Variants in RASSF10 observed in about 807,000 individuals in gnomAD.
RASSF10 encodes the protein ras association domain-containing protein 10.
A neutral mutation model predicts 41.5 loss-of-function variants in RASSF10; 22 were observed. The ratio of observed to expected loss-of-function variants is 0.53; its 90% CI spans 0.38 to 0.76. RASSF10 has a LOEUF of 0.76. Among genes scored for constraint, RASSF10 ranks in the 30% least tolerant of loss-of-function variants. The pLI, the probability that RASSF10 is intolerant of heterozygous loss-of-function variation, is 0.00. For synonymous variants in RASSF10, 364 were observed against 319.0 expected, an observed-to-expected ratio of 1.14 and a Z score of -1.50; for missense variants, 776 against 711.8, an observed-to-expected ratio of 1.09 and a Z score of -1.03.
rs2134213158 is a variant in RASSF10 at position 13,010,655 on chromosome 11, G to C, written c.1079G>C (p.Arg360Pro). The change falls in exon 1 of 1, where the codon CGA becomes CCA. Residue 360 changes from arginine to proline, a missense_variant. Physicochemically the swap from Arg to Pro is moderately radical, Grantham distance 103. Transcript: ENST00000529419. The surrounding 1 kb of genome is among the most constrained non-coding windows in gnomAD (Gnocchi z 4.8). ...IQEELNQRWMRRRQEELAARE... is the reference protein window; with the variant it reads ...IQEELNQRWMPRRQEELAARE... The stretch of plus-strand genomic sequence containing the variant: ...GAGGAACTCAACCAGAGGTGGATGC[G>C]ACGGCGCCAGGAGGAGCTGGCGGCG... 6.3e-7 allele frequency: 1 copy of C among 1,591,868 alleles called. No homozygotes were observed. The highest frequency in any genetic ancestry group is 2.3e-5 in the East Asian group (1 of 43,856).
Position 13,009,854 on chromosome 11 carries a change from T to A in RASSF10, c.278T>A (p.Ile93Asn). The change falls in exon 1 of 1, where the codon ATC becomes AAC. Residue 93 changes from isoleucine (I) to asparagine (N), a missense_variant. Ile to Asn is a moderately radical substitution (Grantham distance 149). Transcript: ENST00000529419. ...MLCGPPQCYCIVEKWRGFERI... is the reference protein window; with the variant it reads ...MLCGPPQCYCNVEKWRGFERI... ...TGCGGGCCCCCGCAGTGCTATTGCA[T>A]CGTGGAGAAGTGGCGCGGCTTTGAG... The A allele has an allele frequency of 6.2e-7, 1 of 1,606,660 alleles. No homozygotes were observed. The highest frequency in any genetic ancestry group is 8.5e-7 in the Non-Finnish European group (1 of 1,177,360).
rs1949568906 is a variant in RASSF10 at position 13,010,470 on chromosome 11, G to C, written c.894G>C (p.Ala298=). 47 of 1,523,998 alleles carry C rather than the reference G, an allele frequency of 3.1e-5. No homozygotes were observed. Among genetic ancestry groups the C allele is most frequent in the Non-Finnish European group, 4.1e-5 (47 of 1,134,492 alleles). 94.4% of individuals were successfully genotyped at this position (1,523,998 alleles called of 1,614,324 possible). A position where few individuals can be genotyped will look rare whatever the true frequency, so the allele number is the denominator to read the frequency against. ...CGGGAGAGGAGCCAGAAGAGGTGGC[G>C]GCGGAGGCGGAGGAGGCGGCGGCGG... ...SRPGEEPEEV[A]AEAEEAAAAP... is the part of the protein sequence containing the mutation. Residue 298 remains alanine, a synonymous_variant, in exon 1 of 1, where the codon GCG becomes GCC. Coordinates refer to ENST00000529419, the MANE Select transcript of RASSF10 (RefSeq NM_001080521.3). The surrounding 1 kb of genome is among the most constrained non-coding windows in gnomAD (Gnocchi z 4.8).
Position 13,009,369 on chromosome 11 carries a change from C to T in RASSF10, c.-208C>T. 1 of 1,207,020 alleles carries T rather than the reference C, an allele frequency of 8.3e-7. No individual in the cohort carries two copies. The highest frequency in any genetic ancestry group is 1.2e-6 in the Non-Finnish European group (1 of 852,426). The allele number at this position is 1,207,020 out of a possible 1,614,324, so 74.8% of individuals were successfully genotyped here. On this transcript the variant is annotated 5_prime_UTR_variant, in exon 1 of 1. Transcript: ENST00000529419. ...GGCGCGTTGCCCCGGGAGCGCCCGT[C>T]GTCCGGGCAGAGCGCAGCCGCAACC...
chr11:13,010,447 G>A lies in RASSF10; in HGVS notation c.871G>A (p.Gly291Arg). Reference sequence around the variant, plus strand: ...CATCGAGCTCGACGGGTCCAGACCGGGAGAGGAGCCAGAAGAGGTGGCGGC... The same window carrying A: ...CATCGAGCTCGACGGGTCCAGACCGAGAGAGGAGCCAGAAGAGGTGGCGGC... Reference protein sequence around the residue: ...AGIELDGSRPGEEPEEVAAEA... With the variant: ...AGIELDGSRPREEPEEVAAEA... The change falls in exon 1 of 1, where the codon GGA becomes AGA. Residue 291 changes from glycine to arginine, a missense_variant. Transcript: ENST00000529419. This position sits in a 1 kb window ranked among gnomAD's most constrained non-coding sequence, Gnocchi z 4.8. 1 of 1,539,888 alleles carries A rather than the reference G, an allele frequency of 6.5e-7. No individual in the cohort carries two copies. The highest frequency in any genetic ancestry group is 8.8e-7 in the Non-Finnish European group (1 of 1,140,054).
In RASSF10 at chr11:13,010,144, C is replaced by T. The variant is rs752687669; in HGVS notation, c.568C>T (p.Arg190Trp). 21 of 1,566,840 alleles carry T rather than the reference C, an allele frequency of 1.3e-5. No individual in the cohort carries two copies. Among genetic ancestry groups the T allele is most frequent in the African/African-American group, 9.5e-5 (7 of 73,484 alleles). The stretch of plus-strand genomic sequence containing the variant: ...TCGCAAACTGGCCAAGCTCAACCGG[C>T]GGCGCCAGCAGCAGACACCGTCGTC... ...AFRKLAKLNR[R>W]RQQQTPSSCS... is the part of the protein sequence containing the mutation. Residue 190 changes from arginine (R) to tryptophan (W), a missense_variant, in exon 1 of 1, where the codon CGG becomes TGG. Coordinates refer to ENST00000529419, the MANE Select transcript of RASSF10 (RefSeq NM_001080521.3). The surrounding 1 kb of genome is among the most constrained non-coding windows in gnomAD (Gnocchi z 4.8).
At position 13,009,512 on chromosome 11, in the gene RASSF10, C is replaced by A; in HGVS notation, c.-65C>A. On this transcript the variant is annotated 5_prime_UTR_variant, in exon 1 of 1. Transcript: ENST00000529419. ...CTCCCATCCCAGAGCTACTGGGCTG[C>A]CCTTGCTGTCCTCGCCGCCCCAGCA... The A allele has an allele frequency of 6.4e-7, 1 of 1,565,562 alleles. No individual in the cohort carries two copies. The highest frequency in any genetic ancestry group is 2.3e-5 in the East Asian group (1 of 44,274).
rs779465231 is a variant in RASSF10 at position 13,009,791 on chromosome 11, A to G, written c.215A>G (p.Asp72Gly). 1.2e-6 allele frequency: 2 copies of G among 1,606,518 alleles called. No individual in the cohort carries two copies. Among genetic ancestry groups the G allele is most frequent in the African/African-American group, 2.7e-5 (2 of 74,930 alleles). ...CTGCCCGAACCCCCGAACGAGGACG[A>G]CGAGGACGACGACGAGGCGCTGCCG... is the stretch of plus-strand genomic sequence containing the variant. ...GELPEPPNED[D>G]EDDDEALPQG... The change falls in exon 1 of 1, where the codon GAC (aspartate) becomes GGC (glycine). Residue 72 changes from aspartate (D) to glycine (G), a missense_variant. By Grantham distance (94) the Asp-to-Gly change is moderately conservative. Transcript: ENST00000529419.
rs1466228093 is a variant in RASSF10, at chr11:13,010,175, C to G, written c.599C>G (p.Ser200Trp). 1.3e-6 allele frequency: 2 copies of G among 1,590,600 alleles called. No homozygotes were observed. Among genetic ancestry groups the G allele is most frequent in the Admixed American group, 1.7e-5 (1 of 57,782 alleles). Residue 200 changes from serine (S) to tryptophan (W), a missense_variant, in exon 1 of 1, where the codon TCG (serine) becomes TGG (tryptophan). Transcript: ENST00000529419. The surrounding 1 kb of genome is among the most constrained non-coding windows in gnomAD (Gnocchi z 4.8). Reference protein sequence around the residue: ...RRQQQTPSSCSSTSSSTASSC... With the variant: ...RRQQQTPSSCWSTSSSTASSC... ...CAGCAGCAGACACCGTCGTCCTGTT[C>G]GTCCACTTCGTCGTCCACTGCCTCG...
Position 13,009,931 on chromosome 11 carries a change from G to C in RASSF10, c.355G>C (p.Glu119Gln). ...RILRLWAAWG[E>Q]EQENVRFVLV... Reference sequence around the variant, plus strand: ...CTTGCGCCTCTGGGCTGCCTGGGGCGAAGAGCAAGAGAATGTGCGCTTCGT... The same window carrying C: ...CTTGCGCCTCTGGGCTGCCTGGGGCCAAGAGCAAGAGAATGTGCGCTTCGT... The change falls in exon 1 of 1, where the codon GAA (glutamate) becomes CAA (glutamine). Residue 119 changes from glutamate (E) to glutamine (Q), a missense_variant. Coordinates refer to ENST00000529419, the MANE Select transcript of RASSF10 (RefSeq NM_001080521.3). The C allele has an allele frequency of 6.3e-7, 1 of 1,594,084 alleles. No homozygotes were observed. The highest frequency in any genetic ancestry group is 1.3e-5 in the African/African-American group (1 of 74,722).
Position 13,010,270 on chromosome 11 carries a change from G to T in RASSF10, c.694G>T (p.Val232Leu), listed in dbSNP as rs1949566839. The change falls in exon 1 of 1, where the codon GTG becomes TTG. Residue 232 changes from valine to leucine, a missense_variant. Physicochemically the swap from Val to Leu is conservative, Grantham distance 32. Transcript: ENST00000529419. The surrounding 1 kb of genome is among the most constrained non-coding windows in gnomAD (Gnocchi z 4.8). ...GCGCATGGAGACGCTGGTGCATCTG[G>T]TGCTTTCCCAGGACCACACAATTCG... Reference protein sequence around the residue: ...VERMETLVHLVLSQDHTIRQQ... With the variant: ...VERMETLVHLLLSQDHTIRQQ... The T allele has an allele frequency of 1.3e-6, 2 of 1,564,170 alleles. No individual in the cohort carries two copies. The highest frequency in any genetic ancestry group is 1.7e-6 in the Non-Finnish European group (2 of 1,154,716).
In RASSF10 at chr11:13,010,179, C is replaced by T; in HGVS notation, c.603C>T (p.Ser201=). ...RQQQTPSSCS[S]TSSSTASSCS... is the part of the protein sequence containing the mutation. ...AGCAGACACCGTCGTCCTGTTCGTC[C>T]ACTTCGTCGTCCACTGCCTCGTCCT... The change falls in exon 1 of 1, where the codon TCC becomes TCT. Residue 201 remains serine (S), a synonymous_variant. Coordinates refer to ENST00000529419, the MANE Select transcript of RASSF10 (RefSeq NM_001080521.3). This position sits in a 1 kb window ranked among gnomAD's most constrained non-coding sequence, Gnocchi z 4.8. The T allele has an allele frequency of 6.3e-7, 1 of 1,592,388 alleles. No homozygotes were observed. Among genetic ancestry groups the T allele is most frequent in the Non-Finnish European group, 8.5e-7 (1 of 1,171,132 alleles).
At position 13,010,685 on chromosome 11, in the gene RASSF10, A is replaced by AGGAGCCCCT; in HGVS notation, c.1117_1125dup (p.Leu373_Pro375dup). Reference sequence around the variant, plus strand: ...CGCCAGGAGGAGCTGGCGGCGCGGGAGGAGCCCCTGGAGCCCGACGGTGGC... The same window carrying AGGAGCCCCT: ...CGCCAGGAGGAGCTGGCGGCGCGGGAGGAGCCCCTGGAGCCCCTGGAGCCCGACGGTGGC... On this transcript the variant is annotated inframe_insertion, in exon 1 of 1. Coordinates refer to ENST00000529419, the MANE Select transcript of RASSF10 (RefSeq NM_001080521.3). The surrounding 1 kb of genome is among the most constrained non-coding windows in gnomAD (Gnocchi z 4.8). 1 of 1,591,662 alleles carries AGGAGCCCCT rather than the reference A, an allele frequency of 6.3e-7. No homozygotes were observed. The highest frequency in any genetic ancestry group is 8.5e-7 in the Non-Finnish European group (1 of 1,169,980).
Position 13,010,840 on chromosome 11 carries a change from T to A in RASSF10, c.1264T>A (p.Trp422Arg), listed in dbSNP as rs139017105. Residue 422 changes from tryptophan to arginine, a missense_variant, in exon 1 of 1, where the codon TGG becomes AGG. Coordinates refer to ENST00000529419, the MANE Select transcript of RASSF10 (RefSeq NM_001080521.3). The surrounding 1 kb of genome is among the most constrained non-coding windows in gnomAD (Gnocchi z 4.8). ...GGACTTGGATTACAGCCAGCAGCAATGGGACAGCAAGAAGCGCGAGCTACA... is the reference window on the plus strand; with the variant it reads ...GGACTTGGATTACAGCCAGCAGCAAAGGGACAGCAAGAAGCGCGAGCTACA... ...KSDLDYSQQQWDSKKRELQGL... is the reference protein window; with the variant it reads ...KSDLDYSQQQRDSKKRELQGL... 1.7e-5 allele frequency: 28 copies of A among 1,613,788 alleles called. No individual in the cohort carries two copies. In the African/African-American group the frequency reaches 2.8e-4, roughly 16 times the overall value.
In RASSF10 at chr11:13,010,257, GCTGGTGCAT is replaced by G; in HGVS notation, c.689_697del (p.His230_Val232del). Reference sequence around the variant, plus strand: ...GCGCGTCGGTGGAGCGCATGGAGACGCTGGTGCATCTGGTGCTTTCCCAGGACCACACAA... The same window carrying G: ...GCGCGTCGGTGGAGCGCATGGAGACGCTGGTGCTTTCCCAGGACCACACAA... On this transcript the variant is annotated inframe_deletion, in exon 1 of 1. Transcript: ENST00000529419. The surrounding 1 kb of genome is among the most constrained non-coding windows in gnomAD (Gnocchi z 4.8). 6.4e-7 allele frequency: 1 copy of G among 1,572,838 alleles called. No individual in the cohort carries two copies. The highest frequency in any genetic ancestry group is 8.6e-7 in the Non-Finnish European group (1 of 1,159,712).
At position 13,010,246 on chromosome 11, in the gene RASSF10, C is replaced by G. The variant is rs994986909; in HGVS notation, c.670C>G (p.Arg224Gly). Residue 224 changes from arginine (R) to glycine (G), a missense_variant, in exon 1 of 1, where the codon CGC (arginine) becomes GGC (glycine). By Grantham distance (125) the Arg-to-Gly change is moderately radical (BLOSUM62 -2). Coordinates refer to ENST00000529419, the MANE Select transcript of RASSF10 (RefSeq NM_001080521.3). The surrounding 1 kb of genome is among the most constrained non-coding windows in gnomAD (Gnocchi z 4.8). ...GACCCACGAGAGCGCGTCGGTGGAGCGCATGGAGACGCTGGTGCATCTGGT... is the reference window on the plus strand; with the variant it reads ...GACCCACGAGAGCGCGTCGGTGGAGGGCATGGAGACGCTGGTGCATCTGGT... ...PRTHESASVE[R>G]METLVHLVLS... is the part of the protein sequence containing the mutation. 4 of 1,578,288 alleles carry G rather than the reference C, an allele frequency of 2.5e-6. No homozygotes were observed. The highest frequency in any genetic ancestry group is 2.7e-5 in the African/African-American group (2 of 73,940).
chr11:13,011,193 G>A lies in RASSF10; in HGVS notation c.*93G>A, dbSNP rs1949577794. The A allele has an allele frequency of 1.9e-6, 2 of 1,047,562 alleles. No homozygotes were observed. The highest frequency in any genetic ancestry group is 2.6e-5 in the East Asian group (1 of 38,204). The allele number at this position is 1,047,562 out of a possible 1,614,324, so 64.9% of individuals were successfully genotyped here. On this transcript the variant is annotated 3_prime_UTR_variant, in exon 1 of 1. Transcript: ENST00000529419. ...AGCCGGCTCGCGGACTTGAAACCAG[G>A]CTGTTGCGAGCCCAGAGCTCCGGCT...
In RASSF10 at chr11:13,010,658, G is replaced by T; in HGVS notation, c.1082G>T (p.Arg361Leu). The change falls in exon 1 of 1, where the codon CGG (arginine) becomes CTG (leucine). Residue 361 changes from arginine to leucine, a missense_variant. Coordinates refer to ENST00000529419, the MANE Select transcript of RASSF10 (RefSeq NM_001080521.3). The surrounding 1 kb of genome is among the most constrained non-coding windows in gnomAD (Gnocchi z 4.8). ...QEELNQRWMRRRQEELAAREE... is the reference protein window; with the variant it reads ...QEELNQRWMRLRQEELAAREE... ...GAACTCAACCAGAGGTGGATGCGACGGCGCCAGGAGGAGCTGGCGGCGCGG... is the reference window on the plus strand; with the variant it reads ...GAACTCAACCAGAGGTGGATGCGACTGCGCCAGGAGGAGCTGGCGGCGCGG... 2 of 1,591,552 alleles carry T rather than the reference G, an allele frequency of 1.3e-6. No individual in the cohort carries two copies. The highest frequency in any genetic ancestry group is 1.7e-6 in the Non-Finnish European group (2 of 1,169,878).
rs754452155 is a variant in RASSF10 at position 13,009,758 on chromosome 11, C to A, written c.182C>A (p.Pro61Gln). Residue 61 changes from proline (P) to glutamine (Q), a missense_variant, in exon 1 of 1, where the codon CCG (proline) becomes CAG (glutamine). By Grantham distance (76) the Pro-to-Gln change is moderately conservative (BLOSUM62 -1). Coordinates refer to ENST00000529419, the MANE Select transcript of RASSF10 (RefSeq NM_001080521.3). ...GGGTCGGCCGGCGACCCGCATGGCC[C>A]GGGAGAGCTGCCCGAACCCCCGAAC... ...RLGSAGDPHG[P>Q]GELPEPPNED... The A allele has an allele frequency of 6.3e-7, 1 of 1,595,662 alleles. No individual in the cohort carries two copies.
chr11:13,011,017 AACG>A lies in RASSF10; in HGVS notation c.1446_1448del (p.Asp482del). The A allele has an allele frequency of 6.2e-7, 1 of 1,612,608 alleles. No individual in the cohort carries two copies. The highest frequency in any genetic ancestry group is 8.5e-7 in the Non-Finnish European group (1 of 1,179,638). On this transcript the variant is annotated inframe_deletion, in exon 1 of 1. Coordinates refer to ENST00000529419, the MANE Select transcript of RASSF10 (RefSeq NM_001080521.3). ...TGGACTGGCCAAGAGCGGTCCTGGC[AACG>A]ACGAAGACTCGGATACGGGACTGAG...
Sources: allele counts gnomAD v4.1 joint callset, GRCh38; gene constraint gnomAD v4.1.1; non-coding constraint Gnocchi (gnomAD v3.1); transcripts MANE v1.5; gene names NCBI Gene and HGNC (gene_info 2026-07-23, HGNC 2026-07-21).